The following DNER variants were observed in gnomAD, a reference collection of about 807,000 sequenced individuals.
The protein encoded by DNER is delta/notch like EGF repeat containing, also known as delta and Notch-like epidermal growth factor-related receptor.
Under a neutral mutation model 78.2 loss-of-function variants are expected in DNER, and 33 were observed. The ratio of observed to expected loss-of-function variants is 0.42; its 90% CI spans 0.32 to 0.56. DNER has a LOEUF of 0.56. Ranked by LOEUF, DNER falls within the 20% of genes least tolerant of loss-of-function variation. The probability of loss-of-function intolerance (pLI) is 0.11; values close to 1 mark genes in which losing one functional copy is unlikely to be tolerated. For synonymous variants in DNER, 417 were observed against 384.8 expected, an observed-to-expected ratio of 1.08 and a Z score of -0.98; for missense variants, 918 against 975.3, an observed-to-expected ratio of 0.94 and a Z score of 0.78.
intron 10 of DNER, among the ~76,000 whole-genome samples, chr2:229,398,721 C>A (rs1211725176): frequency 4.0e-5 from 6 of 151,716 alleles, no homozygotes; most frequent in African/African-American, 1.5e-4. Context: ...TAGAATTTAG[C>A]AAAGTATTAT....
intron 6 of DNER, among the ~76,000 whole-genome samples, chr2:229,479,605 G>A (rs1481685259): frequency 6.6e-6 from 1 of 151,684 alleles, no homozygotes; most frequent in Non-Finnish European, 1.5e-5. Context: ...CCCAGCTACA[G>A]GGGAGGCTGA....
intron 5 of DNER, among the ~76,000 whole-genome samples, chr2:229,527,920 G>A (rs1696237736): frequency 6.6e-6 from 1 of 152,170 alleles, no homozygotes; most frequent in African/African-American, 2.4e-5. Flanking sequence ...ATTTAGCTGA[G>A]TAGAGCTTCA....
At chr2:229,648,127 T>C (rs1336587225) in intron 1 of DNER, among the ~76,000 whole-genome samples, 1 of 152,212 alleles carries the variant, frequency 6.6e-6, no homozygotes, top group Non-Finnish European at 1.5e-5. Flanking sequence ...AAATTTAGTG[T>C]TGTCATTTTA....
chr2:229,380,735 G>C (rs1692716300), intron 11 of DNER, among the ~76,000 whole-genome samples: 1 of 151,926 alleles, frequency 6.6e-6, no homozygotes, highest in African/African-American at 2.4e-5. Flanking sequence ...GACCATCCTG[G>C]CCAACATAGT....
chr2:229,408,979 C>T (rs1194497258), intron 9 of DNER, among the ~76,000 whole-genome samples: 3 of 152,208 alleles, frequency 2.0e-5, no homozygotes, highest in African/African-American at 4.8e-5. Flanking sequence ...TACAGCATCC[C>T]GCAGCCATGT....
chr2:229,375,217 A>G (rs1293933650), intron 11 of DNER, among the ~76,000 whole-genome samples: 2 of 152,204 alleles, frequency 1.3e-5, no homozygotes, highest in African/African-American at 4.8e-5. Context: ...TAGTTGTTCA[A>G]AGAGAAAGAC....
At chr2:229,514,678 T>G (rs1287242919) in intron 5 of DNER, among the ~76,000 whole-genome samples, 1 of 152,056 alleles carries the variant, frequency 6.6e-6, no homozygotes, top group Non-Finnish European at 1.5e-5. Flanking sequence ...TCCATTTCAC[T>G]CTCCCTCCAC....
intron 10 of DNER, among the ~76,000 whole-genome samples, chr2:229,396,053 G>C (rs139090027): frequency 6.6e-6 from 1 of 152,248 alleles, no homozygotes; most frequent in East Asian, 1.9e-4. Context: ...TTTCACCTAA[G>C]AGTCATGTCT....
rs139020549 is a variant in DNER at position 229,437,966 on chromosome 2, T to C, written c.1486+9350A>G. The stretch of plus-strand genomic sequence containing the variant: ...GAAACTACCTAGGCTGAAGGGTGCA[T>C]AGCTGTCATGTGGTTATGTCTGCAT... On this transcript the variant is annotated intron_variant, in intron 8 of 12. Transcript: ENST00000341772. Among the ~76,000 whole-genome samples, 1,112 of 152,276 alleles carry C rather than the reference T, an allele frequency of 7.3e-3. 8 individuals carry two copies. Among genetic ancestry groups the C allele is most frequent in the Non-Finnish European group, 0.011 (724 of 68,028 alleles).
intron 1 of DNER, among the ~76,000 whole-genome samples, chr2:229,672,611 GGAGA>G (rs1047711516): frequency 6.6e-6 from 1 of 150,666 alleles, no homozygotes; most frequent in African/African-American, 2.4e-5. Context: ...GATGAGGGAG[GGAGA>G]GAAGAAGAGA....
intron 1 of DNER, among the ~76,000 whole-genome samples, chr2:229,629,725 T>A (rs1698402619): frequency 6.6e-6 from 1 of 152,218 alleles, no homozygotes; most frequent in Non-Finnish European, 1.5e-5. Context: ...TGAAAAGTCT[T>A]CGCTGGGCAT....
intron 11 of DNER, among the ~76,000 whole-genome samples, chr2:229,380,322 C>T (rs1692707790): frequency 6.6e-6 from 1 of 152,152 alleles, no homozygotes; most frequent in Non-Finnish European, 1.5e-5. Flanking sequence ...ACAGATCAGG[C>T]CAAGTGACAC....
At chr2:229,676,525 C>T (rs1022009390) in intron 1 of DNER, among the ~76,000 whole-genome samples, 2 of 152,186 alleles carry the variant, frequency 1.3e-5, no homozygotes, top group African/African-American at 4.8e-5. Flanking sequence ...GATTTAGGTT[C>T]ACCTGCTGCT....
At chr2:229,617,075 C>A (rs1420483902) in intron 1 of DNER, among the ~76,000 whole-genome samples, 1 of 152,098 alleles carries the variant, frequency 6.6e-6, no homozygotes, top group South Asian at 2.1e-4. Flanking sequence ...AAAATGAATT[C>A]AATAAATAGG....
At chr2:229,579,836 G>A (rs73998281) in intron 4 of DNER, among the ~76,000 whole-genome samples, 9,229 of 151,544 alleles carry the variant, frequency 0.061, 451 homozygotes, top group African/African-American at 0.12. Context: ...GTTATCTCCA[G>A]GGAAGCATCA....
chr2:229,505,347 A>G (rs1695716455), intron 6 of DNER, among the ~76,000 whole-genome samples: 1 of 152,194 alleles, frequency 6.6e-6, no homozygotes, highest in South Asian at 2.1e-4. Context: ...ACTCAAGAAC[A>G]AGTTATCAGA....
intron 1 of DNER, among the ~76,000 whole-genome samples, chr2:229,679,740 C>G (rs1316113115): frequency 6.6e-6 from 1 of 152,184 alleles, no homozygotes; most frequent in African/African-American, 2.4e-5. Flanking sequence ...TTACTGTTGA[C>G]TTTTCTGCAT....
intron 7 of DNER, among the ~76,000 whole-genome samples, chr2:229,467,752 T>C (rs1694834174): frequency 6.6e-6 from 1 of 152,200 alleles, no homozygotes; most frequent in South Asian, 2.1e-4. Flanking sequence ...CATGATATAA[T>C]ATGAATGTTT....
intron 6 of DNER, among the ~76,000 whole-genome samples, chr2:229,484,655 T>C (rs1054818520): frequency 2.0e-5 from 3 of 152,148 alleles, no homozygotes; most frequent in African/African-American, 4.8e-5. Flanking sequence ...TATGTATTGT[T>C]ATACCTCTGA....
Sources: allele counts gnomAD v4.1 joint callset (sites outside exome capture counted in the v4.1 genomes callset), GRCh38; gene constraint gnomAD v4.1.1; transcripts MANE v1.5; gene names NCBI Gene and HGNC (gene_info 2026-07-23, HGNC 2026-07-21).